Variants in CD1D observed in about 807,000 individuals in gnomAD.
CD1D encodes the protein CD1d molecule, also known as antigen-presenting glycoprotein CD1d.
In CD1D, 40 loss-of-function variants were observed where a neutral mutation model predicts 42.1. That is an observed-to-expected ratio of 0.95 (90% CI 0.74 to 1.24). The LOEUF is 1.24. Among genes scored for constraint, CD1D ranks in the 50% most tolerant of loss-of-function variants. The pLI is 0.00. For missense variants in CD1D, 437 were observed against 416.5 expected (o/e 1.05, Z -0.43); for synonymous variants, 178 against 171.8 (o/e 1.04, Z -0.28).
chr1:158,178,701 T>G (rs1228814124), upstream of CD1D, among the ~76,000 whole-genome samples: 3 of 152,130 alleles, frequency 2.0e-5, no homozygotes. Context: ...TATTTTAGAG[T>G]CCACATATAA....
chr1:158,183,815 G>C (rs1324092552), intron 4 of CD1D, 121 bp from the exon 5 acceptor site: 2 of 774,346 alleles, frequency 2.6e-6, no homozygotes, highest in Middle Eastern at 3.8e-4. Context: ...AGAAATTGGG[G>C]TTTTAAGTGG....
intron 2 of CD1D, 83 bp downstream of exon 2, chr1:158,181,804 C>G: frequency 6.5e-7 from 1 of 1,530,202 alleles, no homozygotes; most frequent in African/African-American, 1.4e-5. Flanking sequence ...TGTGGCACCA[C>G]CTGATGAGAT....
upstream of CD1D, among the ~76,000 whole-genome samples, chr1:158,179,727 C>T (rs922532803): frequency 1.3e-5 from 2 of 152,128 alleles, no homozygotes; most frequent in Non-Finnish European, 2.9e-5. Context: ...AATAACTAGG[C>T]ATTGGGAGGG....
At position 158,183,129 on chromosome 1, in the gene CD1D, G is replaced by A. The variant is rs772985800; in HGVS notation, c.859G>A (p.Glu287Lys). 8.1e-6 allele frequency: 13 copies of A among 1,612,310 alleles called. No individual in the cohort carries two copies. The highest frequency in any genetic ancestry group is 5.0e-5 in the Admixed American group (3 of 59,970). The change falls in exon 4 of 6, where the codon GAG becomes AAG. Residue 287 changes from glutamate to lysine, a missense_variant. By Grantham distance (56) the Glu-to-Lys change is moderately conservative. Transcript: ENST00000674085. ...CTGTCGGGTGAAGCACAGCAGTCTA[G>A]AGGGCCAGGACATCGTCCTCTACTG... ...LSCRVKHSSLEGQDIVLYWGG... is the reference protein window; with the variant it reads ...LSCRVKHSSLKGQDIVLYWGG...
chr1:158,182,484 T>A lies in CD1D; in HGVS notation c.607+174T>A, dbSNP rs985743485. 3 of 696,852 alleles carry A rather than the reference T, an allele frequency of 4.3e-6. No individual in the cohort carries two copies. In the Admixed American group the frequency reaches 8.4e-5, roughly 20 times the overall value. 43.2% of individuals were successfully genotyped at this position (696,852 alleles called of 1,614,324 possible). A position where few individuals can be genotyped will look rare whatever the true frequency, so the allele number is the denominator to read the frequency against. On this transcript the variant is annotated intron_variant, in intron 3 of 5. Coordinates refer to ENST00000674085, the MANE Select transcript of CD1D (RefSeq NM_001371762.2). ...GACATCAACTGAGCACCTCTTGGGT[T>A]CTATGAATTCAATTAATGAACAACT... is the stretch of plus-strand genomic sequence containing the variant.
intron 3 of CD1D, among the ~76,000 whole-genome samples, chr1:158,182,644 C>A (rs907017330): frequency 6.6e-6 from 1 of 152,110 alleles, no homozygotes; most frequent in Non-Finnish European, 1.5e-5. Flanking sequence ...AAGGGGCATT[C>A]ATAGGAGGCT....
chr1:158,183,019 C>A lies in CD1D; in HGVS notation c.749C>A (p.Pro250Gln), dbSNP rs766250843. Residue 250 changes from proline to glutamine, a missense_variant, in exon 4 of 6, where the codon CCA (proline) becomes CAA (glutamine). Physicochemically the swap from Pro to Gln is moderately conservative, Grantham distance 76 (BLOSUM62 -1). Coordinates refer to ENST00000674085, the MANE Select transcript of CD1D (RefSeq NM_001371762.2). Reference protein sequence around the residue: ...RGEQEQQGTQPGDILPNADET... With the variant: ...RGEQEQQGTQQGDILPNADET... The stretch of plus-strand genomic sequence containing the variant: ...GAGCAGGAGCAGCAGGGCACTCAGC[C>A]AGGGGACATCCTGCCCAATGCTGAC... 6 of 1,614,024 alleles carry A rather than the reference C, an allele frequency of 3.7e-6. No homozygotes were observed. The Admixed American group carries it at 6.7e-5, about 18-fold the overall frequency.
chr1:158,181,597 G>C lies in CD1D; in HGVS notation c.204G>C (p.Leu68=). 1 of 1,614,144 alleles carries C rather than the reference G, an allele frequency of 6.2e-7. No homozygotes were observed. Among genetic ancestry groups the C allele is most frequent in the Non-Finnish European group, 8.5e-7 (1 of 1,180,028 alleles). The change falls in exon 2 of 6, where the codon CTG becomes CTC. Residue 68 remains leucine (L), a synonymous_variant. Transcript: ENST00000674085. ...ACGACTCGGACACCGTCCGCTCTCT[G>C]AAGCCTTGGTCCCAGGGCACGTTCA... ...WSNDSDTVRS[L]KPWSQGTFSD... is the part of the protein sequence containing the mutation.
At position 158,184,018 on chromosome 1, in the gene CD1D, C is replaced by A. The variant is rs141337009; in HGVS notation, c.969C>A (p.Ser323=). Residue 323 remains serine, a synonymous_variant, in exon 5 of 6, where the codon TCC becomes TCA. Transcript: ENST00000674085. ...TCCTCCTCATTGTGGGCTTTACCTC[C>A]CGGTTTAAGAGGCAAACGTAAGTCT... The part of the protein sequence containing the change: ...LLFLLIVGFT[S]RFKRQTSYQG... 2.3e-4 allele frequency: 366 copies of A among 1,614,156 alleles called. No homozygotes were observed. Among genetic ancestry groups the A allele is most frequent in the Admixed American group, 3.0e-4 (18 of 60,030 alleles).
upstream of CD1D, among the ~76,000 whole-genome samples, chr1:158,178,485 G>A (rs1185379188): frequency 1.3e-5 from 2 of 152,144 alleles, no homozygotes; most frequent in East Asian, 3.9e-4. Flanking sequence ...CATGAAGAAA[G>A]CATATAAGAT....
At chr1:158,181,928 C>G in intron 2 of CD1D, 104 bp from the exon 3 acceptor site, 1 of 1,449,776 alleles carries the variant, frequency 6.9e-7, no homozygotes, top group Non-Finnish European at 9.3e-7. Flanking sequence ...CTTTCCTTTC[C>G]CTGAAGTCTG....
Position 158,181,665 on chromosome 1 carries a change from A to G in CD1D, c.272A>G (p.Tyr91Cys). ...ACGCTGCAGCATATATTTCGGGTTT[A>G]TCGAAGCAGCTTCACCAGGGACGTG... ...WETLQHIFRV[Y>C]RSSFTRDVKE... Residue 91 changes from tyrosine to cysteine, a missense_variant, in exon 2 of 6, where the codon TAT (tyrosine) becomes TGT (cysteine). By Grantham distance (194) the Tyr-to-Cys change is radical (BLOSUM62 -2). Coordinates refer to ENST00000674085, the MANE Select transcript of CD1D (RefSeq NM_001371762.2). The G allele has an allele frequency of 6.2e-7, 1 of 1,613,706 alleles. No individual in the cohort carries two copies. The highest frequency in any genetic ancestry group is 8.5e-7 in the Non-Finnish European group (1 of 1,180,012).
chr1:158,182,688 G>T (rs978100641), intron 3 of CD1D, among the ~76,000 whole-genome samples, 190 bp from the exon 4 acceptor site: 1 of 152,190 alleles, frequency 6.6e-6, no homozygotes, highest in African/African-American at 2.4e-5. Context: ...ATCAGGGCAG[G>T]CTCCCTGAAG....
Position 158,186,216 on chromosome 1 carries a change from CA to C in CD1D, c.*2067del, listed in dbSNP as rs1648697156. Among the ~76,000 whole-genome samples the C allele has an allele frequency of 6.6e-6, 1 of 152,142 alleles. No homozygotes were observed. Among genetic ancestry groups the C allele is most frequent in the Admixed American group, 6.5e-5 (1 of 15,270 alleles). On this transcript the variant is annotated 3_prime_UTR_variant, in exon 6 of 6. Coordinates refer to ENST00000674085, the MANE Select transcript of CD1D (RefSeq NM_001371762.2). Reference sequence around the variant, plus strand: ...TTGCTGTGTTTGGTACCACATTGCCCACCCTCACGTGGCGCTCTTCAGCTTA... The same window carrying C: ...TTGCTGTGTTTGGTACCACATTGCCCCCCTCACGTGGCGCTCTTCAGCTTA...
chr1:158,182,625 G>A (rs1193581707), intron 3 of CD1D, among the ~76,000 whole-genome samples: 3 of 152,096 alleles, frequency 2.0e-5, no homozygotes, highest in Admixed American at 2.0e-4. Flanking sequence ...GTGTTATAGG[G>A]GAACAGACAA....
rs772906466 is a variant in CD1D at position 158,182,944 on chromosome 1, A to C, written c.674A>C (p.His225Pro). The C allele has an allele frequency of 6.2e-7, 1 of 1,614,124 alleles. No individual in the cohort carries two copies. The highest frequency in any genetic ancestry group is 8.5e-7 in the Non-Finnish European group (1 of 1,180,014). Reference protein sequence around the residue: ...PGPGRLLLVCHVSGFYPKPVW... With the variant: ...PGPGRLLLVCPVSGFYPKPVW... ...CCTGGCCGTCTGCTGCTGGTGTGCC[A>C]TGTCTCAGGATTCTACCCAAAGCCT... The change falls in exon 4 of 6, where the codon CAT (histidine) becomes CCT (proline). Residue 225 changes from histidine to proline, a missense_variant. Physicochemically the swap from His to Pro is moderately conservative, Grantham distance 77 (BLOSUM62 -2). Coordinates refer to ENST00000674085, the MANE Select transcript of CD1D (RefSeq NM_001371762.2).
intron 3 of CD1D, 22 bp downstream of exon 3, chr1:158,182,332 C>T (rs760608802): frequency 1.2e-6 from 2 of 1,613,758 alleles, no homozygotes; most frequent in South Asian, 2.2e-5. Flanking sequence ...TTCCTTACTC[C>T]CTGCATTCCA....
In CD1D at chr1:158,184,712, T is replaced by G. The variant is rs1174423142; in HGVS notation, c.*562T>G. Reference sequence around the variant, plus strand: ...CTGACTGATGACAAACCCAGGAGTTTGTGTGTCTTTTATAAAAAGTTTGCC... The same window carrying G: ...CTGACTGATGACAAACCCAGGAGTTGGTGTGTCTTTTATAAAAAGTTTGCC... On this transcript the variant is annotated 3_prime_UTR_variant, in exon 6 of 6. Coordinates refer to ENST00000674085, the MANE Select transcript of CD1D (RefSeq NM_001371762.2). 6.6e-6 allele frequency: 1 copy of G among 152,470 alleles called. No homozygotes were observed. The highest frequency in any genetic ancestry group is 1.5e-5 in the Non-Finnish European group (1 of 68,250). 9.4% of individuals were successfully genotyped at this position (152,470 alleles called of 1,614,324 possible).
chr1:158,182,447 A>G, intron 3 of CD1D, 137 bp downstream of exon 3: 1 of 938,728 alleles, frequency 1.1e-6, no homozygotes, highest in Non-Finnish European at 1.7e-6. Flanking sequence ...GAGGGTATTT[A>G]TTCATTTCAC....
Sources: allele counts gnomAD v4.1 joint callset (sites outside exome capture counted in the v4.1 genomes callset), GRCh38; gene constraint gnomAD v4.1.1; transcripts MANE v1.5; gene names NCBI Gene and HGNC (gene_info 2026-07-23, HGNC 2026-07-21).